The following VPS35L variants were observed in gnomAD, a reference collection of about 807,000 sequenced individuals.
VPS35L encodes VPS35 endosomal protein sorting factor like, also known as VPS35 endosomal protein-sorting factor-like.
VPS35L carries 83 observed loss-of-function variants against 133.0 expected under a neutral mutation model. The observed-to-expected ratio is 0.62, with a 90% CI of 0.52 to 0.75. The LOEUF is 0.75. Among genes scored for constraint, VPS35L ranks in the 30% least tolerant of loss-of-function variants. VPS35L has a pLI of 0.00. For synonymous variants in VPS35L, 423 were observed against 449.9 expected (o/e 0.94, Z 0.76); for missense variants, 1,083 against 1,206.8 (o/e 0.90, Z 1.52).
intron 29 of VPS35L, among the ~76,000 whole-genome samples, chr16:19,697,169 A>G (rs904197773): frequency 5.3e-5 from 8 of 152,224 alleles, no homozygotes; most frequent in African/African-American, 2.4e-5. Flanking sequence ...CCACAGCACA[A>G]CCTGCTCCCT....
At chr16:19,656,872 A>G (rs1410890514) in intron 26 of VPS35L, among the ~76,000 whole-genome samples, 2 of 152,220 alleles carry the variant, frequency 1.3e-5, no homozygotes, top group Non-Finnish European at 2.9e-5. Context: ...TTTTGAGACA[A>G]ACTGATGAAT....
chr16:19,591,763 ATTTTCTCTTT>A lies in VPS35L; in HGVS notation c.640-12_640-3del. On this transcript the variant is annotated splice_polypyrimidine_tract_variant and intron_variant, in intron 7 of 30. Coordinates refer to ENST00000417362, the MANE Select transcript of VPS35L (RefSeq NM_020314.7). ...ACCCATACCAGACATGCCAGAGTGAATTTTCTCTTTTTTTCTCTTTTTTTAGTGTTCAAAG... is the reference window on the plus strand; with the variant it reads ...ACCCATACCAGACATGCCAGAGTGAATTTTCTCTTTTTTTAGTGTTCAAAG... 6.4e-7 allele frequency: 1 copy of A among 1,556,500 alleles called. No homozygotes were observed. The highest frequency in any genetic ancestry group is 8.9e-7 in the Non-Finnish European group (1 of 1,129,460).
At chr16:19,659,577 C>T (rs561291964) in intron 26 of VPS35L, among the ~76,000 whole-genome samples, 1 of 152,298 alleles carries the variant, frequency 6.6e-6, no homozygotes, top group South Asian at 2.1e-4. Flanking sequence ...TTCTTTACAT[C>T]TTGCTTTATG....
At chr16:19,588,179 G>GTATGTATA (rs1971932264) in intron 7 of VPS35L, among the ~76,000 whole-genome samples, 1 of 150,636 alleles carries the variant, frequency 6.6e-6, no homozygotes, top group Admixed American at 6.7e-5. Flanking sequence ...ATGTATGTAT[G>GTATGTATA]TATGTATGTA....
rs144737775 is a variant in VPS35L, at chr16:19,622,207, C to T, written c.1225-3970C>T. On this transcript the variant is annotated intron_variant, in intron 14 of 30. Transcript: ENST00000417362. ...TCACCCAGGCTGGAGTGCAATGGCC[C>T]GATCTCCACTCATGGCAACTTCTGC... 9.7e-4 allele frequency among the ~76,000 whole-genome samples: 143 copies of T among 146,780 alleles called. 3 individuals are homozygous for T. Among genetic ancestry groups the T allele is most frequent in the Non-Finnish European group, 1.2e-3 (79 of 67,288 alleles).
At chr16:19,649,161 TGTATTTTTTAGTA>T (rs1974047709) in intron 24 of VPS35L, among the ~76,000 whole-genome samples, 1 of 151,970 alleles carries the variant, frequency 6.6e-6, no homozygotes, top group African/African-American at 2.4e-5. Context: ...GCTAATTCTT[TGTATTTTTTAGTA>T]GAGATGAGGT....
In VPS35L at chr16:19,557,196, G is replaced by T. The variant is rs76218531; in HGVS notation, c.17+1450G>T. On this transcript the variant is annotated intron_variant, in intron 1 of 30. Transcript: ENST00000417362. ...ACCAAAAAGCTAACCAAAAACATGA[G>T]AAACATTTGACTTCAGTGGATTTAT... Among the ~76,000 whole-genome samples, 477 of 152,244 alleles carry T rather than the reference G, an allele frequency of 3.1e-3. 20 individuals are homozygous for T. In the East Asian group the frequency reaches 0.065, roughly 21 times the overall value.
Position 19,591,773 on chromosome 16 carries a change from T to C in VPS35L, c.640-17T>C. On this transcript the variant is annotated splice_polypyrimidine_tract_variant and intron_variant, in intron 7 of 30. Transcript: ENST00000417362. ...GACATGCCAGAGTGAATTTTCTCTTTTTTTCTCTTTTTTTAGTGTTCAAAG... is the reference window on the plus strand; with the variant it reads ...GACATGCCAGAGTGAATTTTCTCTTCTTTTCTCTTTTTTTAGTGTTCAAAG... 1 of 1,595,244 alleles carries C rather than the reference T, an allele frequency of 6.3e-7. No individual in the cohort carries two copies. The highest frequency in any genetic ancestry group is 8.6e-7 in the Non-Finnish European group (1 of 1,163,888).
chr16:19,559,004 G>T (rs1285863009), intron 1 of VPS35L, among the ~76,000 whole-genome samples: 1 of 152,054 alleles, frequency 6.6e-6, no homozygotes, highest in African/African-American at 2.4e-5. Flanking sequence ...GGTGAAGGGG[G>T]CTGGGTAATA....
chr16:19,656,605 G>A (rs1974311031), intron 26 of VPS35L, among the ~76,000 whole-genome samples: 1 of 151,786 alleles, frequency 6.6e-6, no homozygotes, highest in Non-Finnish European at 1.5e-5. Context: ...TCTGTAAAGT[G>A]GAGACGATGA....
chr16:19,615,612 T>A (rs190394474), intron 12 of VPS35L, among the ~76,000 whole-genome samples: 8 of 150,262 alleles, frequency 5.3e-5, no homozygotes, highest in African/African-American at 2.0e-4. Context: ...ATCGTGCCAC[T>A]GCACTCCACC....
intron 1 of VPS35L, among the ~76,000 whole-genome samples, chr16:19,559,281 G>C (rs1040963785): frequency 2.0e-5 from 3 of 152,184 alleles, no homozygotes; most frequent in African/African-American, 7.2e-5. Flanking sequence ...CTGTAGGCCT[G>C]GGGTATTTCA....
chr16:19,568,410 GTT>G (rs5816057), intron 2 of VPS35L, among the ~76,000 whole-genome samples: 1 of 139,790 alleles, frequency 7.2e-6, no homozygotes, highest in African/African-American at 2.6e-5. Context: ...CATTTTTCAT[GTT>G]TTTTTTTTTT....
intron 29 of VPS35L, among the ~76,000 whole-genome samples, chr16:19,693,251 C>A (rs1975762970): frequency 6.6e-6 from 1 of 151,974 alleles, no homozygotes; most frequent in African/African-American, 2.4e-5. Flanking sequence ...ATGATTGATA[C>A]CAGAGGCTGG....
In VPS35L at chr16:19,642,426, C is replaced by T. The variant is rs769278190; in HGVS notation, c.1815C>T (p.Val605=). The change falls in exon 22 of 31, where the codon GTC becomes GTT. Residue 605 remains valine (V), a synonymous_variant. Coordinates refer to ENST00000417362, the MANE Select transcript of VPS35L (RefSeq NM_020314.7). ...AACAAGAGCCCACCAAGGACCCGGTCATCTTGAATGCCCTTTTGCATGTTT... is the reference window on the plus strand; with the variant it reads ...AACAAGAGCCCACCAAGGACCCGGTTATCTTGAATGCCCTTTTGCATGTTT... The part of the protein sequence containing the change: ...KHQQEPTKDP[V]ILNALLHVCK... The T allele has an allele frequency of 6.2e-7, 1 of 1,613,922 alleles. No homozygotes were observed. The highest frequency in any genetic ancestry group is 1.1e-5 in the South Asian group (1 of 91,046).
intron 11 of VPS35L, among the ~76,000 whole-genome samples, chr16:19,609,307 A>G (rs148383946): frequency 3.0e-4 from 46 of 152,328 alleles, no homozygotes; most frequent in Admixed American, 1.4e-3. Context: ...TACTGGTACT[A>G]GCTGTATGGT....
At chr16:19,603,434 A>G (rs1972448441) in intron 9 of VPS35L, among the ~76,000 whole-genome samples, 1 of 152,336 alleles carries the variant, frequency 6.6e-6, no homozygotes, top group Non-Finnish European at 1.5e-5. Context: ...TAGCTCACTA[A>G]TAGTGTTTAT....
At chr16:19,640,763 G>GA (rs1391871240) in intron 21 of VPS35L, among the ~76,000 whole-genome samples, 3 of 152,272 alleles carry the variant, frequency 2.0e-5, no homozygotes, top group African/African-American at 7.2e-5. Context: ...GTTTTTGTTT[G>GA]GAGACAAGTT....
At chr16:19,627,224 A>G (rs1219616847) in intron 15 of VPS35L, among the ~76,000 whole-genome samples, 2 of 151,698 alleles carry the variant, frequency 1.3e-5, no homozygotes, top group East Asian at 3.9e-4. Flanking sequence ...TGGAGGTTGC[A>G]GTGAGCCAAG....
Sources: gnomAD v4.1 joint callset for allele counts (sites outside exome capture counted in the v4.1 genomes callset) on GRCh38, gnomAD v4.1.1 for gene constraint, MANE v1.5 for transcripts, NCBI Gene and HGNC (gene_info 2026-07-23, HGNC 2026-07-21) for gene names.